FRMPD4: variants seen among roughly 807,000 people sequenced by gnomAD.
FRMPD4 encodes FERM and PDZ domain containing 4.
Under a neutral mutation model 94.1 loss-of-function variants are expected in FRMPD4, and 22 were observed. That is an observed-to-expected ratio of 0.23 (90% confidence interval 0.17 to 0.33). FRMPD4 has a LOEUF of 0.33. FRMPD4 is among the 10% of genes least tolerant of loss of function. The pLI is 1.00. For missense variants in FRMPD4, 1,111 were observed against 1,339.9 expected (o/e 0.83, Z 2.67); for synonymous variants, 631 against 548.6 (o/e 1.15, Z -2.10).
At chrX:12,106,908 G>C in intron 3 of FRMPD4, among the ~76,000 whole-genome samples, 1 of 111,870 alleles carries the variant, frequency 8.9e-6, no homozygotes, top group Non-Finnish European at 1.9e-5. Flanking sequence ...CAGGAAGCTC[G>C]AAGTGGGTGG....
chrX:11,868,325 T>C (rs751328233), intron 2 of FRMPD4, among the ~76,000 whole-genome samples: 297 of 111,868 alleles, frequency 2.7e-3, no homozygotes, highest in Non-Finnish European at 5.0e-3. Flanking sequence ...CCAAATGCTA[T>C]GAGAACTCCC....
intron 4 of FRMPD4, among the ~76,000 whole-genome samples, chrX:12,640,907 C>G (rs1215287725): frequency 9.0e-6 from 1 of 111,471 alleles, no homozygotes; most frequent in Non-Finnish European, 1.9e-5. Flanking sequence ...TTGAGCCAGG[C>G]ATGGTGGCGT....
intron 1 of FRMPD4, among the ~76,000 whole-genome samples, chrX:12,176,811 A>T (rs1398207611): frequency 8.9e-6 from 1 of 112,279 alleles, no homozygotes; most frequent in Non-Finnish European, 1.9e-5. Flanking sequence ...AAAGTCTAGT[A>T]TTAGTGGAAA....
intron 2 of FRMPD4, among the ~76,000 whole-genome samples, chrX:12,587,125 C>T (rs1032397423): frequency 3.6e-5 from 4 of 109,778 alleles, no homozygotes; most frequent in East Asian, 2.8e-4. Context: ...TACAAGTTCG[C>T]GCCACCACGC....
intron 1 of FRMPD4, among the ~76,000 whole-genome samples, chrX:12,185,143 A>C (rs915115645): frequency 2.7e-5 from 3 of 111,856 alleles, no homozygotes; most frequent in African/African-American, 9.7e-5. Context: ...CACAAAAATT[A>C]AAAAGAAAAA....
At chrX:11,897,150 C>T (rs867546183) in intron 3 of FRMPD4, among the ~76,000 whole-genome samples, 1 of 40,664 alleles carries the variant, frequency 2.5e-5, no homozygotes, top group African/African-American at 9.6e-5. Flanking sequence ...GGATGAATTA[C>T]AAAAAAAAAA....
intron 3 of FRMPD4, among the ~76,000 whole-genome samples, chrX:11,889,567 G>A (rs1297918529): frequency 8.9e-6 from 1 of 112,431 alleles, no homozygotes; most frequent in African/African-American, 3.2e-5. Flanking sequence ...TATCTCCTAT[G>A]TGAGCAGAAC....
intron 3 of FRMPD4, among the ~76,000 whole-genome samples, chrX:11,988,021 C>G (rs755308392): frequency 5.4e-5 from 6 of 111,364 alleles, no homozygotes; most frequent in Non-Finnish European, 9.5e-5. Context: ...CCAAAGTAAT[C>G]TACAGATTCA....
chrX:12,516,899 C>CTTTTTTTT (rs35098575), intron 2 of FRMPD4, among the ~76,000 whole-genome samples: 2 of 68,434 alleles, frequency 2.9e-5, no homozygotes, highest in Admixed American at 1.8e-4. Flanking sequence ...CCTTTTCGTT[C>CTTTTTTTT]TTTTTTTTTT....
intron 5 of FRMPD4, among the ~76,000 whole-genome samples, chrX:12,677,486 A>G (rs1304559080): frequency 9.0e-6 from 1 of 111,614 alleles, no homozygotes; most frequent in Non-Finnish European, 1.9e-5. Flanking sequence ...GTAAAAAAAA[A>G]AAAAAAAAAT....
intron 3 of FRMPD4, among the ~76,000 whole-genome samples, chrX:11,967,779 A>T (rs2188718): frequency 0.053 from 2,901 of 54,939 alleles, 140 homozygotes; most frequent in East Asian, 0.32. Flanking sequence ...TTTTTTTTTT[A>T]AGGAAGCTGA....
intron 1 of FRMPD4, among the ~76,000 whole-genome samples, chrX:12,170,696 G>T (rs1332367892): frequency 8.9e-6 from 1 of 112,780 alleles, no homozygotes; most frequent in Non-Finnish European, 1.9e-5. Flanking sequence ...ACTGATTGCA[G>T]TGCTGCTTGG....
rs2042086846 is a variant in FRMPD4 at position 12,716,524 on chromosome X, T to A, written c.2065T>A (p.Tyr689Asn). The stretch of plus-strand genomic sequence containing the variant: ...AATGCTGGAGAAGCAGAGAAATCTC[T>A]ACATTGGCAGTGCCAATGACATGAA... ...PEMLEKQRNL[Y>N]IGSANDMKGL... The change falls in exon 15 of 17, where the codon TAC becomes AAC. Residue 689 changes from tyrosine (Y) to asparagine (N), a missense_variant. Physicochemically the swap from Tyr to Asn is moderately radical, Grantham distance 143. This residue lies in a region of FRMPD4 where 192 missense variants were observed against 192.5 expected (regional missense o/e 1.00). Coordinates refer to ENST00000675598, the MANE Select transcript of FRMPD4 (RefSeq NM_001368397.1). 1 of 1,206,290 alleles carries A rather than the reference T, an allele frequency of 8.3e-7. No individual in the cohort carries two copies. The highest frequency in any genetic ancestry group is 1.1e-6 in the Non-Finnish European group (1 of 890,906).
At chrX:12,229,071 C>G (rs1467509250) in intron 1 of FRMPD4, among the ~76,000 whole-genome samples, 9 of 112,300 alleles carry the variant, frequency 8.0e-5, no homozygotes, top group Non-Finnish European at 1.7e-4. Flanking sequence ...GCAGTTATCT[C>G]TTTAGAAAAA....
At chrX:12,415,015 T>C (rs2056781259) in intron 1 of FRMPD4, among the ~76,000 whole-genome samples, 2 of 110,873 alleles carry the variant, frequency 1.8e-5, no homozygotes, top group South Asian at 3.9e-4. Context: ...ATGAAGGAAA[T>C]TGTCTAGAGT....
chrX:12,333,174 C>T (rs1421455672), intron 1 of FRMPD4, among the ~76,000 whole-genome samples: 1 of 111,993 alleles, frequency 8.9e-6, no homozygotes, highest in Non-Finnish European at 1.9e-5. Context: ...GAATAAGTGA[C>T]ACATTTTATA....
intron 2 of FRMPD4, among the ~76,000 whole-genome samples, chrX:12,539,807 T>C (rs2058385056): frequency 9.0e-6 from 1 of 111,359 alleles, no homozygotes; most frequent in African/African-American, 3.3e-5. Flanking sequence ...CTAATTTTTG[T>C]ATTTTTAGTA....
intron 1 of FRMPD4, among the ~76,000 whole-genome samples, chrX:12,209,882 T>G (rs1170582469): frequency 2.7e-5 from 3 of 111,533 alleles, no homozygotes; most frequent in Non-Finnish European, 5.6e-5. Flanking sequence ...TAAAGGGATA[T>G]TCATTTGGTC....
At chrX:12,142,542 T>C (rs921989478) in intron 1 of FRMPD4, among the ~76,000 whole-genome samples, 5 of 111,531 alleles carry the variant, frequency 4.5e-5, no homozygotes, top group Non-Finnish European at 9.4e-5. Context: ...CCCCAAAGAC[T>C]CTGGATTTGA....
Sources: gnomAD v4.1 joint callset for allele counts (sites outside exome capture counted in the v4.1 genomes callset) on GRCh38, gnomAD v4.1.1 for gene constraint, gnomAD v4.1.1 regional missense constraint, MANE v1.5 for transcripts, NCBI Gene and HGNC (gene_info 2026-07-23, HGNC 2026-07-21) for gene names.